The following ABHD8 variants were observed in gnomAD, a reference collection of about 807,000 sequenced individuals.
ABHD8 encodes abhydrolase domain containing 8, also known as protein ABHD8.
In ABHD8, 10 loss-of-function variants were observed where a neutral mutation model predicts 29.3. The observed-to-expected ratio is 0.34, with a 90% CI of 0.21 to 0.58. The LOEUF (loss-of-function observed/expected upper bound fraction) is 0.58, where lower values mean the gene tolerates loss of function less well. Ranked by LOEUF, ABHD8 falls within the 20% of genes least tolerant of loss-of-function variation. The pLI is 0.85. For synonymous variants in ABHD8, 282 were observed against 274.6 expected, an observed-to-expected ratio of 1.03 and a Z score of -0.27; for missense variants, 556 against 615.3, an observed-to-expected ratio of 0.90 and a Z score of 1.02.
In ABHD8 at chr19:17,301,800, GTGTGTGTGTT is replaced by G. The variant is rs1420820833; in HGVS notation, c.-8-186_-8-177del. On this transcript the variant is annotated intron_variant, in intron 1 of 4. Coordinates refer to ENST00000247706, the MANE Select transcript of ABHD8 (RefSeq NM_024527.5). ...TTTGTGTGTGTGTGTGTGTGTGTGT[GTGTGTGTGTT>G]TTTGAGACAGTCTCGCTTTGTCATC... Among the ~76,000 whole-genome samples the G allele has an allele frequency of 2.1e-4, 30 of 143,988 alleles. No homozygotes were observed. The South Asian group carries it at 5.2e-3, about 25-fold the overall frequency. 94.5% of individuals were successfully genotyped at this position (143,988 alleles called of 152,430 possible). A position where few individuals can be genotyped will look rare whatever the true frequency, so the allele number is the denominator to read the frequency against.
chr19:17,299,927 T>C (rs1023088042), intron 2 of ABHD8, among the ~76,000 whole-genome samples: 4 of 140,990 alleles, frequency 2.8e-5, no homozygotes, highest in Admixed American at 2.2e-4. Context: ...CATGACGGAG[T>C]CTCCTTCTGT....
chr19:17,292,377 A>C lies in ABHD8; in HGVS notation c.*284T>G. The C allele has an allele frequency of 2.4e-6, 1 of 425,100 alleles. No individual in the cohort carries two copies. The allele number at this position is 425,100 out of a possible 1,614,324, so 26.3% of individuals were successfully genotyped here. A position where few individuals can be genotyped will look rare whatever the true frequency, so the allele number is the denominator to read the frequency against. ...CTGCCTTGGCCGTGGCGTTGGGGGG[A>C]AGGTGAGGGAGAGCTTCTGTACAAG... On this transcript the variant is annotated 3_prime_UTR_variant, in exon 5 of 5. Transcript: ENST00000247706.
chr19:17,301,765 G>A (rs1247920720), intron 1 of ABHD8, 141 bp from the exon 2 acceptor site: 2 of 981,168 alleles, frequency 2.0e-6, no homozygotes, highest in Non-Finnish European at 2.8e-6. Context: ...ACGGCACTGA[G>A]ATTTTTTTGT....
chr19:17,292,828 G>A lies in ABHD8; in HGVS notation c.1153C>T (p.Leu385=). The change falls in exon 5 of 5, where the codon CTG becomes TTG. Residue 385 remains leucine, a synonymous_variant. Coordinates refer to ENST00000247706, the MANE Select transcript of ABHD8 (RefSeq NM_024527.5). ...ATGAGCTTCAGGAATGCCAGGAGCA[G>A]GATCTGCAGAAGACGCAGGGCTCAA... The part of the protein sequence containing the change: ...VEEDQRMAEI[L]LLAFLKLIDE... 2 of 1,611,910 alleles carry A rather than the reference G, an allele frequency of 1.2e-6. No homozygotes were observed. The highest frequency in any genetic ancestry group is 2.2e-5 in the South Asian group (2 of 90,800).
intron 1 of ABHD8, 61 bp from the exon 2 acceptor site, chr19:17,301,685 G>C: frequency 6.9e-7 from 1 of 1,457,758 alleles, no homozygotes; most frequent in Non-Finnish European, 9.0e-7. Context: ...GCACCGTGCA[G>C]CAGGCACTCC....
chr19:17,299,024 A>G (rs973873112), intron 2 of ABHD8, among the ~76,000 whole-genome samples: 2 of 152,120 alleles, frequency 1.3e-5, no homozygotes, highest in South Asian at 2.1e-4. Flanking sequence ...TTACAGGCGT[A>G]AGCCACTGCA....
In ABHD8 at chr19:17,301,297, T is replaced by G. The variant is rs1319118086; in HGVS notation, c.320A>C (p.Gln107Pro). The change falls in exon 2 of 5, where the codon CAG (glutamine) becomes CCG (proline). Residue 107 changes from glutamine to proline, a missense_variant. Gln to Pro is a moderately conservative substitution (Grantham distance 76). This residue lies in a region of ABHD8 where 286 missense variants were observed against 261.4 expected (regional missense o/e 1.09). Transcript: ENST00000247706. Reference sequence around the variant, plus strand: ...GGCCGGCGGCTCCCCAGAGCCATTCTGCCCGTGTAGGAGGTCGGCTCGAGG... The same window carrying G: ...GGCCGGCGGCTCCCCAGAGCCATTCGGCCCGTGTAGGAGGTCGGCTCGAGG... Reference protein sequence around the residue: ...RAPRADLLHGQNGSGEPPAAL... With the variant: ...RAPRADLLHGPNGSGEPPAAL... 14 of 1,607,206 alleles carry G rather than the reference T, an allele frequency of 8.7e-6. No homozygotes were observed. The highest frequency in any genetic ancestry group is 1.2e-5 in the Non-Finnish European group (14 of 1,179,728).
chr19:17,295,829 T>C (rs1357259572), intron 2 of ABHD8, among the ~76,000 whole-genome samples: 5 of 152,216 alleles, frequency 3.3e-5, no homozygotes, highest in African/African-American at 1.2e-4. Flanking sequence ...CACCTCAGCC[T>C]TCTGAATAGC....
rs1040080172 is a variant in ABHD8 at position 17,301,167 on chromosome 19, TCGC to T, written c.447_449del (p.Arg150del). On this transcript the variant is annotated inframe_deletion, in exon 2 of 5. Coordinates refer to ENST00000247706, the MANE Select transcript of ABHD8 (RefSeq NM_024527.5). ...GGATGGTCCTCTTGGGGCGCCTGGC[TCGC>T]CGCCGCCGCCCACCACTGCCACTGC... The T allele has an allele frequency of 1.9e-6, 3 of 1,609,408 alleles. No individual in the cohort carries two copies. Among genetic ancestry groups the T allele is most frequent in the Non-Finnish European group, 1.7e-6 (2 of 1,179,320 alleles).
In ABHD8 at chr19:17,299,314, C is replaced by T. The variant is rs187989448; in HGVS notation, c.761+1542G>A. Among the ~76,000 whole-genome samples, 12 of 148,758 alleles carry T rather than the reference C, an allele frequency of 8.1e-5. No homozygotes were observed. The East Asian group carries it at 1.0e-3, about 12-fold the overall frequency. Reference sequence around the variant, plus strand: ...CGTTGGCTCACGCCTGTAATCCCAGCGCTTTGGGAGGCCGAGGAGGGCGAA... The same window carrying T: ...CGTTGGCTCACGCCTGTAATCCCAGTGCTTTGGGAGGCCGAGGAGGGCGAA... On this transcript the variant is annotated intron_variant, in intron 2 of 4. Coordinates refer to ENST00000247706, the MANE Select transcript of ABHD8 (RefSeq NM_024527.5).
At position 17,292,318 on chromosome 19, in the gene ABHD8, C is replaced by A; in HGVS notation, c.*343G>T. The A allele has an allele frequency of 2.5e-6, 1 of 393,434 alleles. No homozygotes were observed. Among genetic ancestry groups the A allele is most frequent in the Non-Finnish European group, 4.5e-6 (1 of 221,204 alleles). 24.4% of individuals were successfully genotyped at this position (393,434 alleles called of 1,614,324 possible). On this transcript the variant is annotated 3_prime_UTR_variant, in exon 5 of 5. Transcript: ENST00000247706. ...GGGGCTCGTGGGTCCCAGGATCAAG[C>A]ACGGCTGACACGGAAGACAGCGGGG... is the stretch of plus-strand genomic sequence containing the variant.
intron 2 of ABHD8, among the ~76,000 whole-genome samples, chr19:17,297,069 G>T (rs775306134): frequency 6.6e-6 from 1 of 152,128 alleles, no homozygotes; most frequent in Non-Finnish European, 1.5e-5. Context: ...TAAAATATTC[G>T]CTATCCGATC....
In ABHD8 at chr19:17,294,791, C is replaced by A. The variant is rs769117374; in HGVS notation, c.816G>T (p.Val272=). The part of the protein sequence containing the change: ...AHEYPDLVHK[V]IMINGGGPTA... Reference sequence around the variant, plus strand: ...TAGGGCCCCCGCCATTGATCATGATCACCTTGTGCACTAGGTCTGGGTACT... The same window carrying A: ...TAGGGCCCCCGCCATTGATCATGATAACCTTGTGCACTAGGTCTGGGTACT... Residue 272 remains valine, a synonymous_variant, in exon 3 of 5, where the codon GTG becomes GTT. Transcript: ENST00000247706. 3 of 1,614,230 alleles carry A rather than the reference C, an allele frequency of 1.9e-6. No individual in the cohort carries two copies. In the East Asian group the frequency reaches 6.7e-5, roughly 36 times the overall value.
At position 17,300,827 on chromosome 19, in the gene ABHD8, C is replaced by T. The variant is rs144317638; in HGVS notation, c.761+29G>A. Reference sequence around the variant, plus strand: ...AGTCCCTGCTGACCCCATCCCTCACCCCCACCCCACATGCCAGGGTTCACT... The same window carrying T: ...AGTCCCTGCTGACCCCATCCCTCACTCCCACCCCACATGCCAGGGTTCACT... On this transcript the variant is annotated intron_variant, in intron 2 of 4. Coordinates refer to ENST00000247706, the MANE Select transcript of ABHD8 (RefSeq NM_024527.5). 7.9e-5 allele frequency: 123 copies of T among 1,559,866 alleles called. No homozygotes were observed. In the East Asian group the frequency reaches 2.6e-3, roughly 33 times the overall value.
rs369648567 is a variant in ABHD8, at chr19:17,299,026, G to C, written c.761+1830C>G. Among the ~76,000 whole-genome samples the C allele has an allele frequency of 1.6e-4, 25 of 152,270 alleles. No individual in the cohort carries two copies. In the South Asian group the frequency reaches 5.2e-3, roughly 32 times the overall value. ...TAAAGTGCTAGGATTACAGGCGTAA[G>C]CCACTGCACCTGGCCTGAGCAACAC... On this transcript the variant is annotated intron_variant, in intron 2 of 4. Transcript: ENST00000247706.
chr19:17,301,306 A>G lies in ABHD8; in HGVS notation c.311T>C (p.Leu104Pro). The G allele has an allele frequency of 1.2e-6, 2 of 1,607,460 alleles. No individual in the cohort carries two copies. Among genetic ancestry groups the G allele is most frequent in the Non-Finnish European group, 1.7e-6 (2 of 1,179,752 alleles). ...CTCCCCAGAGCCATTCTGCCCGTGT[A>G]GGAGGTCGGCTCGAGGGGCTCGGCC... is the stretch of plus-strand genomic sequence containing the variant. ...NLGRAPRADL[L>P]HGQNGSGEPP... The change falls in exon 2 of 5, where the codon CTA becomes CCA. Residue 104 changes from leucine (L) to proline (P), a missense_variant. Physicochemically the swap from Leu to Pro is moderately conservative, Grantham distance 98. Around this residue, in one of 2 missense-constraint regions of ABHD8, gnomAD observed 286 missense variants for 261.4 expected, o/e 1.09. Transcript: ENST00000247706.
chr19:17,301,587 G>T lies in ABHD8; in HGVS notation c.30C>A (p.Phe10Leu). The T allele has an allele frequency of 6.3e-7, 1 of 1,581,176 alleles. No individual in the cohort carries two copies. Among genetic ancestry groups the T allele is most frequent in the East Asian group, 2.3e-5 (1 of 44,426 alleles). The change falls in exon 2 of 5, where the codon TTC (phenylalanine) becomes TTA (leucine). Residue 10 changes from phenylalanine (F) to leucine (L), a missense_variant. Coordinates refer to ENST00000247706, the MANE Select transcript of ABHD8 (RefSeq NM_024527.5). MLTGVTDGI[F>L]CCLLGTPPNA... ...TGGGGGGCGTGCCCAGCAGGCAACAGAAGATACCGTCGGTCACCCCGGTCA... is the reference window on the plus strand; with the variant it reads ...TGGGGGGCGTGCCCAGCAGGCAACATAAGATACCGTCGGTCACCCCGGTCA...
chr19:17,299,375 C>T (rs1194683462), intron 2 of ABHD8, among the ~76,000 whole-genome samples: 3 of 151,728 alleles, frequency 2.0e-5, no homozygotes, highest in Admixed American at 2.0e-4. Context: ...TCCTGGCTAA[C>T]ACGGTGAAAC....
At chr19:17,298,603 T>C (rs1296990000) in intron 2 of ABHD8, among the ~76,000 whole-genome samples, 8 of 152,088 alleles carry the variant, frequency 5.3e-5, no homozygotes, top group Non-Finnish European at 1.2e-4. Context: ...TTTTTGACTG[T>C]CATGATCAAC....
Sources: gnomAD v4.1 joint callset for allele counts (sites outside exome capture counted in the v4.1 genomes callset) on GRCh38, gnomAD v4.1.1 for gene constraint, gnomAD v4.1.1 regional missense constraint, MANE v1.5 for transcripts, NCBI Gene and HGNC (gene_info 2026-07-23, HGNC 2026-07-21) for gene names.